Variants in GNA14 observed in about 807,000 individuals in gnomAD.
GNA14 encodes guanine nucleotide-binding protein subunit alpha-14.
GNA14 carries 50 observed loss-of-function variants against 42.0 expected under a neutral mutation model. The observed-to-expected ratio is 1.19, with a 90% CI of 0.95 to 1.51. The LOEUF (loss-of-function observed/expected upper bound fraction) is 1.51, where lower values mean the gene tolerates loss of function less well. Among genes scored for constraint, GNA14 ranks in the 40% most tolerant of loss-of-function variants. GNA14 has a pLI of 0.00. For missense variants in GNA14, 473 were observed against 446.2 expected (o/e 1.06, Z -0.54); for synonymous variants, 173 against 163.1 (o/e 1.06, Z -0.46).
At chr9:77,458,132 G>C (rs1431450936) in intron 2 of GNA14, among the ~76,000 whole-genome samples, 3 of 152,148 alleles carry the variant, frequency 2.0e-5, no homozygotes, top group Non-Finnish European at 4.4e-5. Context: ...CCAAGGGCCT[G>C]CTTATTAACA....
chr9:77,514,608 ATTTTTTTTTT>A (rs34158312), intron 2 of GNA14, among the ~76,000 whole-genome samples: 14 of 136,720 alleles, frequency 1.0e-4, no homozygotes, highest in South Asian at 2.5e-4. Context: ...ATAATATCAG[ATTTTTTTTTT>A]TTTTTTTTTT....
At chr9:77,605,922 A>C (rs1482964824) in intron 1 of GNA14, among the ~76,000 whole-genome samples, 2 of 152,184 alleles carry the variant, frequency 1.3e-5, no homozygotes, top group Non-Finnish European at 2.9e-5. Flanking sequence ...CCAAAACAAA[A>C]CTAGGTAAGA....
At chr9:77,635,002 G>A (rs1371884274) in intron 1 of GNA14, among the ~76,000 whole-genome samples, 4 of 152,126 alleles carry the variant, frequency 2.6e-5, no homozygotes, top group African/African-American at 7.2e-5. Flanking sequence ...TCCCACACAC[G>A]TTTGGTCACT....
At chr9:77,555,516 A>C (rs1399135492) in intron 1 of GNA14, among the ~76,000 whole-genome samples, 1 of 152,140 alleles carries the variant, frequency 6.6e-6, no homozygotes, top group Non-Finnish European at 1.5e-5. Flanking sequence ...AAAAAGAAAA[A>C]CATCCCCACA....
intron 2 of GNA14, among the ~76,000 whole-genome samples, chr9:77,454,053 G>A (rs1016035789): frequency 3.3e-5 from 5 of 152,144 alleles, no homozygotes; most frequent in African/African-American, 7.2e-5. Context: ...CAGGCTCCTC[G>A]CCCGCTCCGT....
At chr9:77,496,522 C>T (rs2131740104) in intron 2 of GNA14, among the ~76,000 whole-genome samples, 1 of 152,326 alleles carries the variant, frequency 6.6e-6, no homozygotes, top group African/African-American at 2.4e-5. Context: ...GGAGAGGGCT[C>T]TCCCATCTAA....
intron 2 of GNA14, among the ~76,000 whole-genome samples, chr9:77,490,089 C>A (rs1446547572): frequency 6.6e-6 from 1 of 152,046 alleles, no homozygotes; most frequent in African/African-American, 2.4e-5. Flanking sequence ...TCGATTGGTG[C>A]ACTCACAAAC....
chr9:77,549,091 C>T (rs1173635537), intron 1 of GNA14, among the ~76,000 whole-genome samples: 1 of 152,172 alleles, frequency 6.6e-6, no homozygotes, highest in African/African-American at 2.4e-5. Flanking sequence ...CGTGCCACCA[C>T]ACCCAGCTAA....
chr9:77,435,578 TTAAA>T (rs1399111667), intron 2 of GNA14, among the ~76,000 whole-genome samples: 2 of 152,130 alleles, frequency 1.3e-5, no homozygotes, highest in African/African-American at 2.4e-5. Context: ...ACTATGATTA[TTAAA>T]TAATTATTGC....
chr9:77,455,194 A>G (rs553870892), intron 2 of GNA14, among the ~76,000 whole-genome samples: 326 of 152,286 alleles, frequency 2.1e-3, no homozygotes, highest in Non-Finnish European at 3.0e-3. Context: ...TTGTCTCATC[A>G]GCTGTCACCT....
rs998894191 is a variant in GNA14 at position 77,473,837 on chromosome 9, G to C, written c.310-39315C>G. Among the ~76,000 whole-genome samples, 8 of 152,090 alleles carry C rather than the reference G, an allele frequency of 5.3e-5. 1 individual carries two copies. Among genetic ancestry groups the C allele is most frequent in the Non-Finnish European group, 1.2e-4 (8 of 68,022 alleles). ...TAGACATTTAGGATAATGGAATTGA[G>C]AGTCCAGAAATAAGCCCTCAAATTT... is the stretch of plus-strand genomic sequence containing the variant. On this transcript the variant is annotated intron_variant, in intron 2 of 6. Coordinates refer to ENST00000341700, the MANE Select transcript of GNA14 (RefSeq NM_004297.4).
chr9:77,634,012 G>A (rs752752791), intron 1 of GNA14, among the ~76,000 whole-genome samples: 2 of 152,198 alleles, frequency 1.3e-5, no homozygotes, highest in Non-Finnish European at 2.9e-5. Context: ...CTCGATTCTG[G>A]TGAGCCAACT....
At chr9:77,605,688 G>A (rs1051710557) in intron 1 of GNA14, among the ~76,000 whole-genome samples, 3 of 152,146 alleles carry the variant, frequency 2.0e-5, no homozygotes, top group Admixed American at 6.5e-5. Context: ...AAATATAGCC[G>A]ACAAAGACCT....
rs368755169 is a variant in GNA14 at position 77,441,358 on chromosome 9, G to A, written c.310-6836C>T. ...ATGCGCACACTTTCTGCTGCTGCCTGTGAAGAAGGTGCCTGCTTCCCCTTC... is the reference window on the plus strand; with the variant it reads ...ATGCGCACACTTTCTGCTGCTGCCTATGAAGAAGGTGCCTGCTTCCCCTTC... On this transcript the variant is annotated intron_variant, in intron 2 of 6. Coordinates refer to ENST00000341700, the MANE Select transcript of GNA14 (RefSeq NM_004297.4). Among the ~76,000 whole-genome samples the A allele has an allele frequency of 1.9e-3, 290 of 152,240 alleles. 2 individuals carry two copies. Among genetic ancestry groups the A allele is most frequent in the African/African-American group, 6.4e-3 (265 of 41,544 alleles).
intron 2 of GNA14, among the ~76,000 whole-genome samples, chr9:77,438,582 A>T (rs914611636): frequency 1.7e-4 from 26 of 151,254 alleles, no homozygotes; most frequent in African/African-American, 2.9e-4. Flanking sequence ...TTTTTTTTTA[A>T]AAAAAACCTT....
At chr9:77,440,754 T>C (rs917967233) in intron 2 of GNA14, among the ~76,000 whole-genome samples, 1 of 152,128 alleles carries the variant, frequency 6.6e-6, no homozygotes, top group African/African-American at 2.4e-5. Flanking sequence ...TCTTGCTCTG[T>C]CCCCAGGCTG....
intron 2 of GNA14, among the ~76,000 whole-genome samples, chr9:77,450,699 T>C (rs1835889122): frequency 6.6e-6 from 1 of 151,814 alleles, no homozygotes; most frequent in Non-Finnish European, 1.5e-5. Context: ...GGTGGCGATT[T>C]TGCTAAGATA....
At chr9:77,637,149 G>T (rs557195533) in intron 1 of GNA14, among the ~76,000 whole-genome samples, 1 of 152,188 alleles carries the variant, frequency 6.6e-6, no homozygotes, top group African/African-American at 2.4e-5. Context: ...CTAACTTCTT[G>T]AAGAAAAAAA....
intron 1 of GNA14, among the ~76,000 whole-genome samples, chr9:77,540,340 A>C (rs1355404438): frequency 6.6e-6 from 1 of 152,074 alleles, no homozygotes; most frequent in East Asian, 1.9e-4. Flanking sequence ...AGAAAATAAC[A>C]GTATAATTTT....
Sources: allele counts gnomAD v4.1 joint callset (sites outside exome capture counted in the v4.1 genomes callset), GRCh38; gene constraint gnomAD v4.1.1; transcripts MANE v1.5; gene names NCBI Gene and HGNC (gene_info 2026-07-23, HGNC 2026-07-21).